Variants in SMG7 observed in about 807,000 individuals in gnomAD.
SMG7 encodes nonsense-mediated mRNA decay factor SMG7.
Under a neutral mutation model 148.2 loss-of-function variants are expected in SMG7, and 34 were observed. That is an observed-to-expected ratio of 0.23 (90% CI 0.17 to 0.31). SMG7 has a LOEUF of 0.31. Among genes scored for constraint, SMG7 ranks in the 10% least tolerant of loss-of-function variants. The pLI, the probability that SMG7 is intolerant of heterozygous loss-of-function variation, is 1.00. For synonymous variants in SMG7, 492 were observed against 515.1 expected (o/e 0.96, Z 0.61); for missense variants, 1,114 against 1,408.4 (o/e 0.79, Z 3.35).
chr1:183,538,645 C>T (rs767612159), intron 12 of SMG7, among the ~76,000 whole-genome samples: 1 of 152,102 alleles, frequency 6.6e-6, no homozygotes, highest in African/African-American at 2.4e-5. Context: ...TAAAATGTAA[C>T]CTTTCCATCT....
intron 1 of SMG7, 173 bp downstream of exon 1, chr1:183,472,822 G>T: frequency 1.9e-6 from 1 of 513,640 alleles, no homozygotes; most frequent in South Asian, 5.5e-5. Context: ...AACGGGTATG[G>T]GTGCCTAGCC....
At chr1:183,528,096 C>T in intron 6 of SMG7, 69 bp downstream of exon 6, 2 of 1,155,326 alleles carry the variant, frequency 1.7e-6, no homozygotes, top group Non-Finnish European at 2.5e-6. Flanking sequence ...GCAGATAACT[C>T]AGGGCTCACC....
chr1:183,481,505 G>T (rs781206687), intron 1 of SMG7, among the ~76,000 whole-genome samples: 1 of 152,134 alleles, frequency 6.6e-6, no homozygotes, highest in Admixed American at 6.5e-5. Context: ...CCATGTTTCA[G>T]CATCTTTTAA....
intron 1 of SMG7, among the ~76,000 whole-genome samples, chr1:183,486,674 G>T (rs902716671): frequency 6.6e-6 from 1 of 152,146 alleles, no homozygotes; most frequent in Non-Finnish European, 1.5e-5. Flanking sequence ...CTCCCAAAGT[G>T]CTGTGATTAC....
chr1:183,546,466 T>G, intron 17 of SMG7, 129 bp downstream of exon 17: 1 of 960,006 alleles, frequency 1.0e-6, no homozygotes, highest in South Asian at 1.8e-5. Flanking sequence ...CCACTGAGTA[T>G]TGGTGTAGCT....
intron 1 of SMG7, among the ~76,000 whole-genome samples, chr1:183,479,501 A>G (rs1653531374): frequency 6.6e-6 from 1 of 152,172 alleles, no homozygotes; most frequent in East Asian, 1.9e-4. Context: ...TATGCACTGC[A>G]TGGGTTCATT....
chr1:183,476,650 A>G (rs1652252076), intron 1 of SMG7, among the ~76,000 whole-genome samples: 1 of 152,224 alleles, frequency 6.6e-6, no homozygotes, highest in African/African-American at 2.4e-5. Flanking sequence ...TATTCTGGGC[A>G]GGAAAGGATA....
At position 183,542,371 on chromosome 1, in the gene SMG7, A is replaced by G; in HGVS notation, c.1711A>G (p.Arg571Gly). ...AAGTTTTCCTCCCAAAGAGGTGAGA[A>G]GGGACTATAGCAAAGGAATAACTGT... ...GRSFPPKEVR[R>G]DYSKGITVTK... The change falls in exon 14 of 23, where the codon AGG (arginine) becomes GGG (glycine). Residue 571 changes from arginine (R) to glycine (G), a missense_variant. By Grantham distance (125) the Arg-to-Gly change is moderately radical (BLOSUM62 -2). Coordinates refer to ENST00000688051, the MANE Select transcript of SMG7 (RefSeq NM_001375584.1). The G allele has an allele frequency of 6.2e-7, 1 of 1,614,112 alleles. No individual in the cohort carries two copies. The highest frequency in any genetic ancestry group is 8.5e-7 in the Non-Finnish European group (1 of 1,179,950).
At chr1:183,506,344 C>T (rs1249678753) in intron 1 of SMG7, among the ~76,000 whole-genome samples, 1 of 152,044 alleles carries the variant, frequency 6.6e-6, no homozygotes, top group African/African-American at 2.4e-5. Flanking sequence ...TTAACGTGTG[C>T]AAGAAAAGCT....
intron 4 of SMG7, among the ~76,000 whole-genome samples, chr1:183,525,799 A>G (rs1665716547): frequency 6.6e-6 from 1 of 152,212 alleles, no homozygotes; most frequent in African/African-American, 2.4e-5. Flanking sequence ...GTAAAGGTGT[A>G]CACTACGGTG....
intron 13 of SMG7, among the ~76,000 whole-genome samples, chr1:183,541,694 T>C (rs1362861840): frequency 6.6e-6 from 1 of 152,174 alleles, no homozygotes; most frequent in Non-Finnish European, 1.5e-5. Flanking sequence ...AGTAGGTAGT[T>C]AAATGCTTCC....
In SMG7 at chr1:183,553,608, G is replaced by GCTCCC. The variant is rs1671400069; in HGVS notation, c.*1678_*1679insTCCCC. 7.8e-6 allele frequency: 1 copy of GCTCCC among 128,298 alleles called. No individual in the cohort carries two copies. 7.9% of individuals were successfully genotyped at this position (128,298 alleles called of 1,614,324 possible). ...TTGCTCTTCAGAGAGAGTGGTTGGAGCCCCCCCCGCCCCGTATGCTTACAT... is the reference window on the plus strand; with the variant it reads ...TTGCTCTTCAGAGAGAGTGGTTGGAGCTCCCCCCCCCCCGCCCCGTATGCTTACAT... On this transcript the variant is annotated 3_prime_UTR_variant, in exon 23 of 23. Coordinates refer to ENST00000688051, the MANE Select transcript of SMG7 (RefSeq NM_001375584.1).
chr1:183,477,817 CAT>C (rs1262092797), intron 1 of SMG7, among the ~76,000 whole-genome samples: 14 of 151,878 alleles, frequency 9.2e-5, no homozygotes, highest in South Asian at 4.2e-4. Context: ...TGTCTATGCA[CAT>C]ATGTGTGTAT....
intron 1 of SMG7, among the ~76,000 whole-genome samples, chr1:183,487,127 A>G (rs915154337): frequency 1.3e-5 from 2 of 152,136 alleles, no homozygotes; most frequent in Admixed American, 1.3e-4. Context: ...AAAACACACA[A>G]CAGTTCTGGA....
chr1:183,479,855 G>A (rs1653639423), intron 1 of SMG7, among the ~76,000 whole-genome samples: 1 of 152,092 alleles, frequency 6.6e-6, no homozygotes, highest in Admixed American at 6.6e-5. Context: ...ATTGAAAGAT[G>A]GATGGGATTT....
At chr1:183,491,234 A>G (rs1019365535) in intron 1 of SMG7, among the ~76,000 whole-genome samples, 2 of 152,250 alleles carry the variant, frequency 1.3e-5, no homozygotes, top group East Asian at 1.9e-4. Context: ...TTCTGTTGGC[A>G]TAAAACATGC....
chr1:183,508,190 AT>A, intron 1 of SMG7: 2 of 913,660 alleles, frequency 2.2e-6, no homozygotes, highest in East Asian at 1.2e-4. Context: ...GAGGTATAGT[AT>A]TTTTTTCTTC....
At chr1:183,518,878 A>G (rs1310288144) in intron 4 of SMG7, among the ~76,000 whole-genome samples, 2 of 152,236 alleles carry the variant, frequency 1.3e-5, no homozygotes, top group East Asian at 1.9e-4. Flanking sequence ...GCCAGTTCTT[A>G]CTATATAGTA....
chr1:183,507,776 A>G (rs1236712784), intron 1 of SMG7, among the ~76,000 whole-genome samples: 1 of 152,152 alleles, frequency 6.6e-6, no homozygotes, highest in African/African-American at 2.4e-5. Flanking sequence ...GTATTTATAG[A>G]TGTTGATTAT....
Sources: gnomAD v4.1 joint callset for allele counts (sites outside exome capture counted in the v4.1 genomes callset) on GRCh38, gnomAD v4.1.1 for gene constraint, MANE v1.5 for transcripts, NCBI Gene and HGNC (gene_info 2026-07-23, HGNC 2026-07-21) for gene names.